MPND: variants seen among roughly 807,000 people sequenced by gnomAD.
MPND encodes MPN domain-containing protein.
MPND carries 56 observed loss-of-function variants against 59.2 expected under a neutral mutation model. The ratio of observed to expected loss-of-function variants is 0.95; its 90% CI spans 0.76 to 1.18. The LOEUF is 1.18. Among genes scored for constraint, MPND ranks in the 50% most tolerant of loss-of-function variants. The pLI is 0.00. For synonymous variants in MPND, 323 were observed against 291.9 expected (o/e 1.11, Z -1.09); for missense variants, 671 against 676.0 (o/e 0.99, Z 0.08).
chr19:4,359,975 G>A lies in MPND; in HGVS notation c.1479G>A (p.Val493=), dbSNP rs560126021. Residue 493 remains valine (V), a synonymous_variant, in exon 13 of 13, where the codon GTG becomes GTA. Coordinates refer to ENST00000599840, the MANE Select transcript of MPND (RefSeq NM_001300862.2). ...DQSLCHVLEQ[V]CGVLKQGS is the part of the protein sequence containing the mutation. ...GCCTGTGTCACGTCCTGGAACAGGT[G>A]TGCGGCGTCCTCAAGCAGGGGAGCT... 3 of 1,570,546 alleles carry A rather than the reference G, an allele frequency of 1.9e-6. No homozygotes were observed. The highest frequency in any genetic ancestry group is 2.3e-5 in the South Asian group (2 of 85,446).
intron 11 of MPND, among the ~76,000 whole-genome samples, chr19:4,358,833 CCT>C (rs1464109391): frequency 6.6e-6 from 1 of 152,152 alleles, no homozygotes; most frequent in Non-Finnish European, 1.5e-5. Context: ...AAACCTGTGA[CCT>C]CACAGGTGTC....
At chr19:4,350,467 G>T (rs551222068) in intron 3 of MPND, among the ~76,000 whole-genome samples, 1 of 152,280 alleles carries the variant, frequency 6.6e-6, no homozygotes, top group Non-Finnish European at 1.5e-5. Flanking sequence ...GTTAGGGTGG[G>T]ATCCAGGGAC....
chr19:4,344,601 GCC>G (rs1972144170), intron 2 of MPND, among the ~76,000 whole-genome samples: 1 of 152,178 alleles, frequency 6.6e-6, no homozygotes, highest in South Asian at 2.1e-4. Flanking sequence ...CAACACCCCG[GCC>G]TTCCTGTGGT....
At position 4,360,002 on chromosome 19, in the gene MPND, A is replaced by G; in HGVS notation, c.1506A>G (p.Ter502TrpextTer19). ...QVCGVLKQGS[*>W] is the part of the protein sequence containing the mutation. ...GCGGCGTCCTCAAGCAGGGGAGCTG[A>G]GCCTTCCAGGGCAGGGTGGGCTCCA... Residue 502 changes from the stop codon to tryptophan (W), a stop_lost, in exon 13 of 13, where the codon TGA (stop) becomes TGG (tryptophan). Transcript: ENST00000599840. 1 of 1,559,582 alleles carries G rather than the reference A, an allele frequency of 6.4e-7. No individual in the cohort carries two copies. Among genetic ancestry groups the G allele is most frequent in the Non-Finnish European group, 8.7e-7 (1 of 1,151,452 alleles).
At chr19:4,359,356 C>T (rs1878036518) in intron 12 of MPND, 101 bp downstream of exon 12, 5 of 814,502 alleles carry the variant, frequency 6.1e-6, no homozygotes, top group Non-Finnish European at 6.0e-6. Context: ...CCTCAGGGGC[C>T]TGAGACAGCC....
intron 10 of MPND, 30 bp from the exon 11 acceptor site, chr19:4,358,053 G>T (rs1411755352): frequency 1.3e-6 from 2 of 1,539,188 alleles, no homozygotes; most frequent in Non-Finnish European, 8.8e-7. Context: ...GGCTGGTGAG[G>T]CTTCTCTCAC....
chr19:4,354,741 C>T (rs1216469878), intron 6 of MPND, among the ~76,000 whole-genome samples: 8 of 152,144 alleles, frequency 5.3e-5, no homozygotes, highest in African/African-American at 1.9e-4. Flanking sequence ...GTGCACGCCT[C>T]TAATCCCAGC....
rs758420201 is a variant in MPND at position 4,345,994 on chromosome 19, G to C, written c.531+13G>C. 1.2e-6 allele frequency: 2 copies of C among 1,604,894 alleles called. No individual in the cohort carries two copies. The highest frequency in any genetic ancestry group is 4.5e-5 in the East Asian group (2 of 44,454). ...GGCTGCTGATGAGGTACGTGCTGCA[G>C]CCTCCTCCAGGAAGCCGCCCAGGTC... On this transcript the variant is annotated intron_variant, in intron 3 of 12. Transcript: ENST00000599840.
rs778856399 is a variant in MPND, at chr19:4,345,985, C to T, written c.531+4C>T. The T allele has an allele frequency of 3.4e-5, 54 of 1,607,478 alleles. No individual in the cohort carries two copies. The highest frequency in any genetic ancestry group is 3.8e-5 in the Non-Finnish European group (45 of 1,176,866). On this transcript the variant is annotated splice_donor_region_variant and intron_variant, in intron 3 of 12. Transcript: ENST00000599840. ...GCCTGCCACGGCTGCTGATGAGGTA[C>T]GTGCTGCAGCCTCCTCCAGGAAGCC...
At position 4,355,137 on chromosome 19, in the gene MPND, C is replaced by G; in HGVS notation, c.960C>G (p.Leu320=). 7 of 1,613,534 alleles carry G rather than the reference C, an allele frequency of 4.3e-6. No individual in the cohort carries two copies. Among genetic ancestry groups the G allele is most frequent in the Non-Finnish European group, 5.1e-6 (6 of 1,180,002 alleles). ...GAGCCTTCCCTTGTCGGAGCCGGCT[C>G]GGGGACGCAGAGACTGCAGCTGCCA... ...VLRAFPCRSR[L]GDAETAAAIE... Residue 320 remains leucine, a synonymous_variant, in exon 8 of 13, where the codon CTC becomes CTG. Transcript: ENST00000599840.
chr19:4,354,245 G>A lies in MPND; in HGVS notation c.750-79G>A, dbSNP rs1972383154. ...CAGAGCCTCAGATCCTCAGAGCTGT[G>A]GGGTTGGGGGAGTCAGTGTGGGGGC... On this transcript the variant is annotated intron_variant, in intron 5 of 12. Coordinates refer to ENST00000599840, the MANE Select transcript of MPND (RefSeq NM_001300862.2). 6 of 1,491,536 alleles carry A rather than the reference G, an allele frequency of 4.0e-6. No individual in the cohort carries two copies. The South Asian group carries it at 7.3e-5, about 18-fold the overall frequency. 92.4% of individuals were successfully genotyped at this position (1,491,536 alleles called of 1,614,324 possible). A position where few individuals can be genotyped will look rare whatever the true frequency, so the allele number is the denominator to read the frequency against.
chr19:4,355,001 G>A lies in MPND; in HGVS notation c.899G>A (p.Arg300His), dbSNP rs761166529. ...GAGGTCGTGGGTTACCTGGGGGGCC[G>A]CTGGGACGTCAACAGCCAGAGTGGG... is the stretch of plus-strand genomic sequence containing the variant. ...RSEVVGYLGGRWDVNSQMLTV... is the reference protein window; with the variant it reads ...RSEVVGYLGGHWDVNSQMLTV... The change falls in exon 7 of 13, where the codon CGC becomes CAC. Residue 300 changes from arginine (R) to histidine (H), a missense_variant. Arg to His is a conservative substitution (Grantham distance 29, BLOSUM62 0). Coordinates refer to ENST00000599840, the MANE Select transcript of MPND (RefSeq NM_001300862.2). 16 of 1,608,270 alleles carry A rather than the reference G, an allele frequency of 9.9e-6. No individual in the cohort carries two copies. The highest frequency in any genetic ancestry group is 6.7e-5 in the African/African-American group (5 of 74,608).
intron 1 of MPND, 52 bp downstream of exon 1, chr19:4,343,652 C>CGGGGCTGCAGGGGCGT: frequency 1.7e-6 from 2 of 1,202,662 alleles, no homozygotes; most frequent in Non-Finnish European, 2.1e-6. Context: ...TGCAGGGGCG[C>CGGGGCTGCAGGGGCGT]GGGGCTGCAG....
chr19:4,346,542 C>T (rs148371531), intron 3 of MPND, among the ~76,000 whole-genome samples: 3,297 of 152,034 alleles, frequency 0.022, 52 homozygotes, highest in Non-Finnish European at 0.034. Flanking sequence ...CTCAGCCTCC[C>T]TAGTAGCTGG....
At chr19:4,345,294 G>A (rs898295674) in intron 2 of MPND, among the ~76,000 whole-genome samples, 2 of 151,768 alleles carry the variant, frequency 1.3e-5, no homozygotes, top group Non-Finnish European at 2.9e-5. Flanking sequence ...TGATCCGCCC[G>A]CCTCAGCCTC....
At chr19:4,344,447 C>T (rs1299566493) in intron 2 of MPND, among the ~76,000 whole-genome samples, 1 of 152,150 alleles carries the variant, frequency 6.6e-6, no homozygotes, top group Non-Finnish European at 1.5e-5. Context: ...GCTCTTTTTA[C>T]GGGACAAGCC....
chr19:4,354,948 G>T lies in MPND; in HGVS notation c.847-1G>T. ...TCTTTTGCTGTTCCTCCCTTCCCCA[G>T]GACTTCCACAGTCACCTGACACGGA... On this transcript the variant is annotated splice_acceptor_variant, in intron 6 of 12. Coordinates refer to ENST00000599840, the MANE Select transcript of MPND (RefSeq NM_001300862.2). LOFTEE classifies it high-confidence loss of function. 6.3e-7 allele frequency: 1 copy of T among 1,587,364 alleles called. No individual in the cohort carries two copies. Among genetic ancestry groups the T allele is most frequent in the Non-Finnish European group, 8.6e-7 (1 of 1,163,732 alleles).
At chr19:4,350,069 G>T (rs766389871) in intron 3 of MPND, among the ~76,000 whole-genome samples, 2 of 152,000 alleles carry the variant, frequency 1.3e-5, no homozygotes. Context: ...GGGAGTTGTG[G>T]GGGAAGAAGG....
chr19:4,355,711 C>T (rs1176976791), intron 8 of MPND, among the ~76,000 whole-genome samples: 2 of 150,470 alleles, frequency 1.3e-5, no homozygotes, highest in African/African-American at 2.5e-5. Flanking sequence ...CCTCGTGATC[C>T]GCCCACCTCA....
Sources: gnomAD v4.1 joint callset for allele counts (sites outside exome capture counted in the v4.1 genomes callset) on GRCh38, gnomAD v4.1.1 for gene constraint, MANE v1.5 for transcripts, NCBI Gene and HGNC (gene_info 2026-07-23, HGNC 2026-07-21) for gene names.